The following AKAP12 variants were observed in gnomAD, a reference collection of about 807,000 sequenced individuals.
The protein encoded by AKAP12 is A-kinase anchor protein 12.
A neutral mutation model predicts 79.9 loss-of-function variants in AKAP12; 32 were observed. The observed-to-expected ratio is 0.40, with a 90% CI of 0.30 to 0.54. The LOEUF (loss-of-function observed/expected upper bound fraction) is 0.54, where lower values mean the gene tolerates loss of function less well. Ranked by LOEUF, AKAP12 falls within the 20% of genes least tolerant of loss-of-function variation. AKAP12 has a pLI of 0.48. For missense variants in AKAP12, 2,074 were observed against 2,177.0 expected (o/e 0.95, Z 0.94); for synonymous variants, 808 against 857.0 (o/e 0.94, Z 1.00).
Position 151,351,467 on chromosome 6 carries a change from G to A in AKAP12, c.3076G>A (p.Glu1026Lys). 6.2e-7 allele frequency: 1 copy of A among 1,614,230 alleles called. No individual in the cohort carries two copies. Among genetic ancestry groups the A allele is most frequent in the Non-Finnish European group, 8.5e-7 (1 of 1,180,048 alleles). The part of the protein sequence containing the change: ...TEEATPVQEV[E>K]GGVPDIEEQE... ...GGAGGCCACTCCGGTGCAGGAGGTG[G>A]AAGGTGGCGTACCTGACATAGAAGA... Residue 1026 changes from glutamate (E) to lysine (K), a missense_variant, in exon 4 of 5, where the codon GAA becomes AAA. Glu to Lys is a moderately conservative substitution (Grantham distance 56, BLOSUM62 1). Transcript: ENST00000402676. This position sits in a 1 kb window ranked among gnomAD's most constrained non-coding sequence, Gnocchi z 4.4.
Position 151,251,972 on chromosome 6 carries a change from G to A in AKAP12, c.162+11248G>A, listed in dbSNP as rs376498998. Among the ~76,000 whole-genome samples, 7 of 152,130 alleles carry A rather than the reference G, an allele frequency of 4.6e-5. No homozygotes were observed. The East Asian group carries it at 1.2e-3, about 25-fold the overall frequency. On this transcript the variant is annotated intron_variant, in intron 2 of 4. Coordinates refer to ENST00000402676, the MANE Select transcript of AKAP12 (RefSeq NM_005100.4). ...AGATCGCTCTGCTGCACTTCAGCCC[G>A]GGCAACAGCGTGAGTGAGACTCTGC...
At chr6:151,329,517 G>C (rs558473598) in intron 3 of AKAP12, among the ~76,000 whole-genome samples, 1 of 152,312 alleles carries the variant, frequency 6.6e-6, no homozygotes, top group African/African-American at 2.4e-5. Context: ...GAGAAACAGG[G>C]ACATTATTCT....
chr6:151,335,803 A>G (rs1394668253), intron 3 of AKAP12, among the ~76,000 whole-genome samples: 2 of 152,076 alleles, frequency 1.3e-5, no homozygotes, highest in African/African-American at 4.8e-5. Flanking sequence ...CAGGGGATAC[A>G]TATATAGGTT....
intron 2 of AKAP12, chr6:151,298,913 C>T (rs568896436): frequency 6.6e-6 from 1 of 152,212 alleles, no homozygotes; most frequent in South Asian, 2.1e-4. Context: ...TTTCTGATAA[C>T]CCACTACCAT....
intron 2 of AKAP12, among the ~76,000 whole-genome samples, chr6:151,266,371 A>G (rs1466961418): frequency 6.6e-6 from 1 of 152,134 alleles, no homozygotes; most frequent in East Asian, 1.9e-4. Context: ...TGGTGCCAGC[A>G]TTTTGGTATA....
chr6:151,347,936 C>T (rs1778146039), intron 3 of AKAP12, among the ~76,000 whole-genome samples: 1 of 151,682 alleles, frequency 6.6e-6, no homozygotes, highest in African/African-American at 2.4e-5. Flanking sequence ...CTTTGGGAGG[C>T]AGAGGTGGGT....
intron 2 of AKAP12, among the ~76,000 whole-genome samples, chr6:151,241,084 C>CCA (rs1796965083): frequency 1.3e-5 from 2 of 152,212 alleles, no homozygotes; most frequent in African/African-American, 4.8e-5. Context: ...GGAGGGGGAT[C>CCA]CGTGGAGAAT....
intron 2 of AKAP12, among the ~76,000 whole-genome samples, chr6:151,297,017 G>GT (rs1322164348): frequency 9.1e-6 from 1 of 109,476 alleles, no homozygotes; most frequent in Admixed American, 9.3e-5. Flanking sequence ...TGAAATAAAA[G>GT]GGTTTTTTTT....
Position 151,349,235 on chromosome 6 carries a change from G to A in AKAP12, c.844G>A (p.Glu282Lys). 6.2e-7 allele frequency: 1 copy of A among 1,613,894 alleles called. No individual in the cohort carries two copies. Among genetic ancestry groups the A allele is most frequent in the Non-Finnish European group, 8.5e-7 (1 of 1,180,008 alleles). ...AGAAAAAGAACCTAGCAAGTCTGCA[G>A]AATCTCCGACTAGTCCCGTGACCAG... Reference protein sequence around the residue: ...KQEKEPSKSAESPTSPVTSET... With the variant: ...KQEKEPSKSAKSPTSPVTSET... Residue 282 changes from glutamate (E) to lysine (K), a missense_variant, in exon 4 of 5, where the codon GAA (glutamate) becomes AAA (lysine). Transcript: ENST00000402676.
rs746212006 is a variant in AKAP12 at position 151,351,080 on chromosome 6, G to A, written c.2689G>A (p.Ala897Thr). The change falls in exon 4 of 5, where the codon GCT (alanine) becomes ACT (threonine). Residue 897 changes from alanine (A) to threonine (T), a missense_variant. By Grantham distance (58) the Ala-to-Thr change is moderately conservative. This residue lies in a region of AKAP12 where 1,428 missense variants were observed against 1,451.0 expected (regional missense o/e 0.98). Coordinates refer to ENST00000402676, the MANE Select transcript of AKAP12 (RefSeq NM_005100.4). The surrounding 1 kb of genome is among the most constrained non-coding windows in gnomAD (Gnocchi z 4.4). ...SQVHMMAAAV[A>T]DGTRAATIIE... ...GGTTCATATGATGGCAGCAGCTGTC[G>A]CTGACGGGACGAGGGCAGCTACCAT... is the stretch of plus-strand genomic sequence containing the variant. The A allele has an allele frequency of 1.2e-5, 19 of 1,614,054 alleles. No homozygotes were observed. Among genetic ancestry groups the A allele is most frequent in the African/African-American group, 2.7e-5 (2 of 74,924 alleles).
rs1778137709 is a variant in AKAP12 at position 151,347,711 on chromosome 6, TAAAG to T, written c.320-995_320-992del. Among the ~76,000 whole-genome samples the T allele has an allele frequency of 2.0e-5, 3 of 152,322 alleles. No homozygotes were observed. In the South Asian group the frequency reaches 6.2e-4, roughly 32 times the overall value. On this transcript the variant is annotated intron_variant, in intron 3 of 4. Coordinates refer to ENST00000402676, the MANE Select transcript of AKAP12 (RefSeq NM_005100.4). ...ACTTTATCCTTGAATTGCCTCGCAT[TAAAG>T]AAAGTATTAATTGGTCATATTTTTA...
At chr6:151,333,215 C>G (rs537954415) in intron 3 of AKAP12, among the ~76,000 whole-genome samples, 1 of 152,082 alleles carries the variant, frequency 6.6e-6, no homozygotes, top group Non-Finnish European at 1.5e-5. Context: ...TGTGCCAGGC[C>G]TGCACGGGTT....
At chr6:151,243,760 C>T (rs932081796) in intron 2 of AKAP12, among the ~76,000 whole-genome samples, 15 of 152,096 alleles carry the variant, frequency 9.9e-5, no homozygotes, top group African/African-American at 3.6e-4. Flanking sequence ...ATGGCCGTTT[C>T]ACAACTGCAG....
intron 2 of AKAP12, among the ~76,000 whole-genome samples, chr6:151,261,404 G>T: frequency 6.6e-6 from 1 of 151,594 alleles, no homozygotes; most frequent in Non-Finnish European, 1.5e-5. Context: ...AAAAACCAAT[G>T]GTTTGGCTGG....
At chr6:151,280,085 G>A (rs1582852440) in intron 2 of AKAP12, among the ~76,000 whole-genome samples, 1 of 148,410 alleles carries the variant, frequency 6.7e-6, no homozygotes, top group African/African-American at 2.5e-5. Context: ...TGCGTAACTT[G>A]CCTTTTTCAC....
intron 3 of AKAP12, among the ~76,000 whole-genome samples, chr6:151,336,582 T>TA (rs1441366170): frequency 6.6e-6 from 1 of 152,124 alleles, no homozygotes; most frequent in African/African-American, 2.4e-5. Context: ...CCGTCTCTAC[T>TA]AAAAATATAA....
intron 2 of AKAP12, among the ~76,000 whole-genome samples, chr6:151,264,359 C>T (rs995550390): frequency 1.4e-5 from 2 of 147,208 alleles, no homozygotes; most frequent in African/African-American, 5.1e-5. Context: ...TGGCCAAGAC[C>T]CCACCTCTTA....
At chr6:151,286,736 C>T (rs1051530734) in intron 2 of AKAP12, among the ~76,000 whole-genome samples, 1 of 152,132 alleles carries the variant, frequency 6.6e-6, no homozygotes, top group East Asian at 1.9e-4. Context: ...TCTTTCCAGG[C>T]GTCAAAGCAG....
chr6:151,247,237 CA>C (rs1446696077), intron 2 of AKAP12, among the ~76,000 whole-genome samples: 1 of 151,856 alleles, frequency 6.6e-6, no homozygotes, highest in Non-Finnish European at 1.5e-5. Context: ...CCCATCTCTA[CA>C]AAAAATAAAA....
Sources: allele counts gnomAD v4.1 joint callset (sites outside exome capture counted in the v4.1 genomes callset), GRCh38; gene constraint gnomAD v4.1.1; regional missense constraint gnomAD v4.1.1; non-coding constraint Gnocchi (gnomAD v3.1); transcripts MANE v1.5; gene names NCBI Gene and HGNC (gene_info 2026-07-23, HGNC 2026-07-21).